PIR: variants seen among roughly 807,000 people sequenced by gnomAD.
PIR encodes the protein pirin.
In PIR, 22 loss-of-function variants were observed where a neutral mutation model predicts 24.2. The ratio of observed to expected loss-of-function variants is 0.91; its 90% CI spans 0.65 to 1.30. PIR has a LOEUF of 1.30. PIR is among the 50% of genes most tolerant of loss of function. The pLI is 0.00. For missense variants in PIR, 220 were observed against 220.3 expected (o/e 1.00, Z 0.01); for synonymous variants, 80 against 79.6 (o/e 1.00, Z -0.03).
intron 3 of PIR, among the ~76,000 whole-genome samples, chrX:15,470,102 A>AG (rs759111139): frequency 1.8e-5 from 2 of 112,048 alleles, no homozygotes; most frequent in Non-Finnish European, 3.8e-5. Flanking sequence ...GTAGCAAAAA[A>AG]GAGTGGACAA....
Position 15,461,791 on chromosome X carries a change from T to A in PIR, c.190-2051A>T, listed in dbSNP as rs775972127. ...AGACTGAGACTTCATCTCAAAAAAA[T>A]AAATAAATAAATAAAACAAAAACAA... On this transcript the variant is annotated intron_variant, in intron 3 of 9. Transcript: ENST00000380420. 5.0e-3 allele frequency among the ~76,000 whole-genome samples: 553 copies of A among 111,351 alleles called. 2 individuals are homozygous for A. Among genetic ancestry groups the A allele is most frequent in the African/African-American group, 0.012 (359 of 30,666 alleles).
intron 2 of PIR, among the ~76,000 whole-genome samples, chrX:15,489,967 C>T (rs1265549032): frequency 2.7e-5 from 3 of 111,683 alleles, no homozygotes; most frequent in Non-Finnish European, 3.8e-5. Context: ...TGCAAAATTT[C>T]AGTCAGGAGG....
chrX:15,457,141 A>G (rs749568342), intron 4 of PIR, among the ~76,000 whole-genome samples: 2 of 112,282 alleles, frequency 1.8e-5, no homozygotes, highest in Non-Finnish European at 3.8e-5. Context: ...ACTGGGAACC[A>G]TATATGTACT....
At chrX:15,398,127 T>C (rs1924238122) in intron 7 of PIR, among the ~76,000 whole-genome samples, 1 of 110,680 alleles carries the variant, frequency 9.0e-6, no homozygotes, top group African/African-American at 3.3e-5. Flanking sequence ...GGGATAGCAT[T>C]AGGAGATATA....
intron 5 of PIR, among the ~76,000 whole-genome samples, chrX:15,451,387 G>A (rs1239678856): frequency 2.8e-5 from 3 of 106,386 alleles, no homozygotes; most frequent in Admixed American, 2.0e-4. Context: ...CTGCAAAAGA[G>A]TTCACATTTA....
rs764572854 is a variant in PIR at position 15,387,073 on chromosome X, C to CTTTTTTTTTTTTTTTTTTTTTTTTTTTTT, written c.761-1986_761-1958dup. 1.6e-4 allele frequency among the ~76,000 whole-genome samples: 2 copies of CTTTTTTTTTTTTTTTTTTTTTTTTTTTTT among 12,698 alleles called. 1 individual carries two copies. Among genetic ancestry groups the CTTTTTTTTTTTTTTTTTTTTTTTTTTTTT allele is most frequent in the Admixed American group, 2.9e-3 (2 of 688 alleles). The allele number at this position is 12,698 out of a possible 115,157, so 11.0% of individuals were successfully genotyped here. A position where few individuals can be genotyped will look rare whatever the true frequency, so the allele number is the denominator to read the frequency against. ...TTTTGTTTTGTTTTTCTTTTCTTTT[C>CTTTTTTTTTTTTTTTTTTTTTTTTTTTTT]TTTTTTTTTTTTTTTTTTTTTTTTT... On this transcript the variant is annotated intron_variant, in intron 9 of 9. Transcript: ENST00000380420.
intron 4 of PIR, among the ~76,000 whole-genome samples, chrX:15,458,414 G>A (rs768624968): frequency 4.2e-4 from 47 of 111,554 alleles, no homozygotes; most frequent in Non-Finnish European, 7.3e-4. Flanking sequence ...GCCAAGGCGG[G>A]TGGATCGCTT....
intron 5 of PIR, among the ~76,000 whole-genome samples, chrX:15,440,658 T>C (rs1405527787): frequency 9.0e-6 from 1 of 111,611 alleles, no homozygotes; most frequent in East Asian, 2.8e-4. Context: ...TTTTTCTTAA[T>C]TTGAAGGGTG....
At chrX:15,435,258 G>GAGAA (rs3058994) in intron 5 of PIR, among the ~76,000 whole-genome samples, 1 of 109,571 alleles carries the variant, frequency 9.1e-6, no homozygotes, top group African/African-American at 3.3e-5. Context: ...AGAAAGAAAA[G>GAGAA]AGAAAGAAAG....
At chrX:15,391,397 A>C (rs72614591) in intron 8 of PIR, among the ~76,000 whole-genome samples, 37 of 112,124 alleles carry the variant, frequency 3.3e-4, no homozygotes, top group East Asian at 1.7e-3. Context: ...ATATTTTCTA[A>C]AGTCTGTGTT....
intron 3 of PIR, among the ~76,000 whole-genome samples, chrX:15,471,024 G>A (rs1181432317): frequency 9.0e-6 from 1 of 110,838 alleles, no homozygotes; most frequent in African/African-American, 3.3e-5. Flanking sequence ...GGATGTATAG[G>A]GAAATTTGTT....
At chrX:15,387,999 T>C in intron 9 of PIR, among the ~76,000 whole-genome samples, 1 of 111,606 alleles carries the variant, frequency 9.0e-6, no homozygotes, top group African/African-American at 3.3e-5. Context: ...CAGGGAAGCA[T>C]TGGAAGCTTA....
intron 5 of PIR, among the ~76,000 whole-genome samples, chrX:15,453,062 G>A (rs1920983458): frequency 9.0e-6 from 1 of 111,529 alleles, no homozygotes; most frequent in African/African-American, 3.3e-5. Context: ...TTAAGACCCA[G>A]TCATTCCTTG....
At chrX:15,395,145 T>A (rs781287495) in intron 8 of PIR, among the ~76,000 whole-genome samples, 1 of 112,057 alleles carries the variant, frequency 8.9e-6, no homozygotes, top group Admixed American at 9.5e-5. Context: ...CAAGTGAGGA[T>A]AACACTGGCT....
chrX:15,479,427 A>G (rs1476483462), intron 3 of PIR, among the ~76,000 whole-genome samples: 2 of 109,547 alleles, frequency 1.8e-5, no homozygotes, highest in African/African-American at 6.6e-5. Context: ...CAGGTTTTCT[A>G]TATAAAAAAG....
chrX:15,407,118 T>C (rs963341836), intron 7 of PIR, among the ~76,000 whole-genome samples: 2 of 112,430 alleles, frequency 1.8e-5, no homozygotes, highest in Non-Finnish European at 3.8e-5. Flanking sequence ...GAAACTAGCA[T>C]TGCAAATTCA....
intron 2 of PIR, among the ~76,000 whole-genome samples, chrX:15,490,783 A>G (rs1923111160): frequency 8.9e-6 from 1 of 111,758 alleles, no homozygotes; most frequent in African/African-American, 3.3e-5. Flanking sequence ...GGAATTTGGA[A>G]TTGAGAATCA....
intron 3 of PIR, among the ~76,000 whole-genome samples, chrX:15,465,638 CCTT>C (rs774264539): frequency 9.8e-5 from 11 of 112,247 alleles, no homozygotes; most frequent in Non-Finnish European, 2.1e-4. Context: ...CTCTTTTCCT[CCTT>C]CTAATTCTTT....
chrX:15,385,234 G>T, intron 9 of PIR, 118 bp from the exon 10 acceptor site: 1 of 398,409 alleles, frequency 2.5e-6, no homozygotes, highest in Admixed American at 4.5e-5. Flanking sequence ...CATCCGAAGA[G>T]TAAAAGTTTA....
Sources: allele counts gnomAD v4.1 joint callset (sites outside exome capture counted in the v4.1 genomes callset), GRCh38; gene constraint gnomAD v4.1.1; transcripts MANE v1.5; gene names NCBI Gene and HGNC (gene_info 2026-07-23, HGNC 2026-07-21).